GLB1: variants seen among roughly 807,000 people sequenced by gnomAD.
GLB1 encodes the protein galactosidase beta 1, also known as beta-galactosidase.
GLB1 carries 56 observed loss-of-function variants against 74.0 expected under a neutral mutation model. That is an observed-to-expected ratio of 0.76 (90% CI 0.61 to 0.94). The LOEUF is 0.94. Ranked by LOEUF, GLB1 falls within the 40% of genes least tolerant of loss-of-function variation. GLB1 has a pLI of 0.00. For missense variants in GLB1, 787 were observed against 845.5 expected, an observed-to-expected ratio of 0.93 and a Z score of 0.86; for synonymous variants, 323 against 323.6, an observed-to-expected ratio of 1.00 and a Z score of 0.02.
At chr3:32,981,214 C>A in the GLB1 span, among the ~76,000 whole-genome samples, 1 of 150,256 alleles carries the variant, frequency 6.7e-6, no homozygotes, top group African/African-American at 2.4e-5. Flanking sequence ...ACCAGCCTAG[C>A]CAACACAGTG....
At chr3:33,017,614 G>C (rs531101884) in intron 13 of GLB1, among the ~76,000 whole-genome samples, 8 of 152,342 alleles carry the variant, frequency 5.3e-5, no homozygotes, top group African/African-American at 1.9e-4. Context: ...ATTTCGGTGA[G>C]AGGACTGGAA....
the GLB1 span, among the ~76,000 whole-genome samples, chr3:32,989,222 G>A: frequency 3.3e-5 from 5 of 152,152 alleles, no homozygotes; most frequent in African/African-American, 9.7e-5. Context: ...AGTCTGTGGT[G>A]CTTCTCTGCC....
chr3:32,990,353 C>T, the GLB1 span, among the ~76,000 whole-genome samples: 11 of 152,318 alleles, frequency 7.2e-5, no homozygotes, highest in East Asian at 1.5e-3. Context: ...CTGATCTCAT[C>T]GCTGTCATTG....
At chr3:33,063,263 T>C (rs1026263037) in intron 5 of GLB1, among the ~76,000 whole-genome samples, 3 of 152,058 alleles carry the variant, frequency 2.0e-5, no homozygotes, top group Admixed American at 6.5e-5. Flanking sequence ...AAAAAAGGCA[T>C]AAAAAATATT....
chr3:33,092,337 A>G lies in GLB1; in HGVS notation c.75+4674T>C, dbSNP rs2125583771. 5 of 987,664 alleles carry G rather than the reference A, an allele frequency of 5.1e-6. No individual in the cohort carries two copies. The South Asian group carries it at 2.3e-4, about 46-fold the overall frequency. The allele number at this position is 987,664 out of a possible 1,614,324, so 61.2% of individuals were successfully genotyped here. The stretch of plus-strand genomic sequence containing the variant: ...TCTCTAGCAGCCAGAGGGCCCTTCC[A>G]TCTTGCCTGTTCTCCCAAATTACCT... On this transcript the variant is annotated intron_variant, in intron 1 of 15. Transcript: ENST00000307363.
intron 1 of GLB1, 113 bp from the exon 2 acceptor site, chr3:33,072,826 T>G (rs1262294600): frequency 1.3e-6 from 2 of 1,493,914 alleles, no homozygotes; most frequent in African/African-American, 1.4e-5. Context: ...AATGTGCTGA[T>G]GGACTTAATG....
At chr3:33,027,931 T>C (rs1399445929) in intron 10 of GLB1, among the ~76,000 whole-genome samples, 1 of 152,152 alleles carries the variant, frequency 6.6e-6, no homozygotes, top group East Asian at 1.9e-4. Context: ...TGTTTTGAGA[T>C]AGGCTGTTGC....
At chr3:33,020,964 G>A (rs1697445975) in intron 12 of GLB1, among the ~76,000 whole-genome samples, 2 of 151,904 alleles carry the variant, frequency 1.3e-5, no homozygotes, top group Admixed American at 1.3e-4. Context: ...AAGCATATGG[G>A]TGTTTATTGT....
chr3:32,995,687 C>G (rs923585475), downstream of GLB1, among the ~76,000 whole-genome samples: 1 of 150,530 alleles, frequency 6.6e-6, no homozygotes, highest in Admixed American at 6.6e-5. Flanking sequence ...AAAAACAAAA[C>G]AAAACTACAG....
intron 10 of GLB1, among the ~76,000 whole-genome samples, chr3:33,035,517 G>C (rs190330052): frequency 1.5e-4 from 23 of 152,262 alleles, no homozygotes; most frequent in Non-Finnish European, 2.6e-4. Flanking sequence ...CTCATATGTT[G>C]AAATTCTAAT....
chr3:33,081,268 G>A (rs1007605828), intron 1 of GLB1, among the ~76,000 whole-genome samples: 1 of 152,182 alleles, frequency 6.6e-6, no homozygotes, highest in African/African-American at 2.4e-5. Context: ...CACTGGGAAT[G>A]GATCTTGAGG....
At chr3:33,028,447 A>G (rs1479048266) in intron 10 of GLB1, among the ~76,000 whole-genome samples, 1 of 152,052 alleles carries the variant, frequency 6.6e-6, no homozygotes, top group Non-Finnish European at 1.5e-5. Flanking sequence ...ATCAATTAGC[A>G]TATTACCCTA....
intron 1 of GLB1, among the ~76,000 whole-genome samples, chr3:33,083,397 CAAAA>C (rs60737086): frequency 9.6e-5 from 10 of 104,186 alleles, no homozygotes; most frequent in African/African-American, 2.9e-4. Context: ...AACTCTGTCT[CAAAA>C]AAAAAAAAAA....
At chr3:33,062,955 C>A (rs994759611) in intron 5 of GLB1, among the ~76,000 whole-genome samples, 1 of 152,162 alleles carries the variant, frequency 6.6e-6, no homozygotes, top group Admixed American at 6.5e-5. Flanking sequence ...GCGTGGAAGG[C>A]CAGGAGACTA....
intron 11 of GLB1, 55 bp downstream of exon 11, chr3:33,024,196 C>T (rs548158127): frequency 2.3e-5 from 36 of 1,551,572 alleles, no homozygotes; most frequent in Middle Eastern, 1.7e-4. Context: ...TACTAAATTC[C>T]ACTTTCTCAC....
Position 33,068,109 on chromosome 3 carries a change from A to G in GLB1, c.457+121T>C, listed in dbSNP as rs560830720. ...GCCATTTTGGCCAGCCTGGTCTCGA[A>G]CTCCCAACCTCAGGTAATCCACCCG... On this transcript the variant is annotated intron_variant, in intron 4 of 15. Coordinates refer to ENST00000307363, the MANE Select transcript of GLB1 (RefSeq NM_000404.4). 308 of 1,434,606 alleles carry G rather than the reference A, an allele frequency of 2.1e-4. 3 individuals are homozygous for G. The South Asian group carries it at 3.4e-3, about 16-fold the overall frequency. The allele number at this position is 1,434,606 out of a possible 1,614,324, so 88.9% of individuals were successfully genotyped here.
intron 1 of GLB1, among the ~76,000 whole-genome samples, chr3:33,076,487 CA>C (rs35313892): frequency 6.6e-6 from 1 of 152,026 alleles, no homozygotes; most frequent in Non-Finnish European, 1.5e-5. Context: ...CCTGAATGGG[CA>C]AAAAAGGCAG....
intron 14 of GLB1, among the ~76,000 whole-genome samples, chr3:33,015,742 G>A (rs79850886): frequency 1.3e-5 from 2 of 152,150 alleles, no homozygotes; most frequent in Non-Finnish European, 2.9e-5. Context: ...TGGAGGCAAA[G>A]GTGGCCTGCA....
In GLB1 at chr3:33,097,095, C is replaced by T. The variant is rs747268052; in HGVS notation, c.-10G>A. The T allele has an allele frequency of 4.3e-6, 7 of 1,612,026 alleles. No individual in the cohort carries two copies. Among genetic ancestry groups the T allele is most frequent in the African/African-American group, 4.0e-5 (3 of 74,782 alleles). On this transcript the variant is annotated 5_prime_UTR_variant, in exon 1 of 16. Transcript: ENST00000307363. ...CCAGGAACCCCGGCATGACCACCAG[C>T]CTCCCGGCTCTGCAGTCGGCGCCCA... is the stretch of plus-strand genomic sequence containing the variant.
Sources: allele counts gnomAD v4.1 joint callset (sites outside exome capture counted in the v4.1 genomes callset), GRCh38; gene constraint gnomAD v4.1.1; transcripts MANE v1.5; gene names NCBI Gene and HGNC (gene_info 2026-07-23, HGNC 2026-07-21).